The following TARS2 variants were observed in gnomAD, a reference collection of about 807,000 sequenced individuals.
TARS2 encodes the protein threonyl-tRNA synthetase 2, mitochondrial.
A neutral mutation model predicts 94.4 loss-of-function variants in TARS2; 61 were observed. That is an observed-to-expected ratio of 0.65 (90% CI 0.53 to 0.80). The LOEUF is 0.80. Ranked by LOEUF, TARS2 falls within the 30% of genes least tolerant of loss-of-function variation. The pLI is 0.00. For missense variants in TARS2, 704 were observed against 902.5 expected (o/e 0.78, Z 2.82); for synonymous variants, 359 against 353.4 (o/e 1.02, Z -0.18).
At chr1:150,489,858 C>G (rs1186532617) in intron 3 of TARS2, among the ~76,000 whole-genome samples, 1 of 152,088 alleles carries the variant, frequency 6.6e-6, no homozygotes. Flanking sequence ...AGGAGAATTG[C>G]TTGAACCCTG....
In TARS2 at chr1:150,497,706, A is replaced by G. The variant is rs115388015; in HGVS notation, c.1197A>G (p.Thr399=). The G allele has an allele frequency of 2.6e-3, 4,207 of 1,614,142 alleles. 99 individuals are homozygous for G. In the African/African-American group the frequency reaches 0.049, roughly 19 times the overall value. ...GTGACGATTCTACCAGGCATATCAC[A>G]GATACACTCGCCCTCAAGCCTATGA... ...SQSDDSTRHI[T]DTLALKPMNC... Residue 399 remains threonine (T), a synonymous_variant, in exon 10 of 18, where the codon ACA becomes ACG. Transcript: ENST00000369064.
Position 150,488,301 on chromosome 1 carries a change from C to T in TARS2, c.263+247C>T. The T allele has an allele frequency of 9.6e-6, 4 of 417,182 alleles. No individual in the cohort carries two copies. The South Asian group carries it at 1.3e-4, about 14-fold the overall frequency. The allele number at this position is 417,182 out of a possible 1,614,324, so 25.8% of individuals were successfully genotyped here. On this transcript the variant is annotated intron_variant, in intron 2 of 17. Coordinates refer to ENST00000369064, the MANE Select transcript of TARS2 (RefSeq NM_025150.5). The stretch of plus-strand genomic sequence containing the variant: ...CCTTCCATCTCAGCCTCCCGAAGTG[C>T]TGGGATTACAGGCATGAGCCACCAA...
At chr1:150,504,510 C>G in intron 14 of TARS2, 75 bp downstream of exon 14, 1 of 1,582,684 alleles carries the variant, frequency 6.3e-7, no homozygotes, top group Non-Finnish European at 8.7e-7. Context: ...GCCCTAAAAA[C>G]TAAACCCTCC....
At chr1:150,493,284 A>G in intron 7 of TARS2, among the ~76,000 whole-genome samples, 1 of 152,240 alleles carries the variant, frequency 6.6e-6, no homozygotes, top group East Asian at 1.9e-4. Flanking sequence ...AAGCCAATTC[A>G]GATGCCCTAA....
In TARS2 at chr1:150,498,990, T is replaced by C. The variant is rs778784029; in HGVS notation, c.1495T>C (p.Ser499Pro). The change falls in exon 12 of 18, where the codon TCT becomes CCT. Residue 499 changes from serine (S) to proline (P), a missense_variant. Around this residue, in one of 3 missense-constraint regions of TARS2, gnomAD observed 466 missense variants for 609.5 expected, o/e 0.76. Coordinates refer to ENST00000369064, the MANE Select transcript of TARS2 (RefSeq NM_025150.5). ...CCGCCTGGCACTGTCCACCCGGCCA[T>C]CTGGCTTCCTGGGGGACCCTTGCCT... Reference protein sequence around the residue: ...SFRLALSTRPSGFLGDPCLWD... With the variant: ...SFRLALSTRPPGFLGDPCLWD... The C allele has an allele frequency of 1.2e-6, 2 of 1,613,994 alleles. No homozygotes were observed. Among genetic ancestry groups the C allele is most frequent in the African/African-American group, 2.7e-5 (2 of 74,886 alleles).
In TARS2 at chr1:150,491,432, T is replaced by C; in HGVS notation, c.551T>C (p.Ile184Thr). 1 of 1,613,642 alleles carries C rather than the reference T, an allele frequency of 6.2e-7. No homozygotes were observed. The highest frequency in any genetic ancestry group is 8.5e-7 in the Non-Finnish European group (1 of 1,180,032). The stretch of plus-strand genomic sequence containing the variant: ...TCAGAGCTGCCTGTTTTGGAGCGGA[T>C]TTGCCAGGAACTTACAGCTGCTGCT... ...RGSELPVLER[I>T]CQELTAAARP... The change falls in exon 5 of 18, where the codon ATT becomes ACT. Residue 184 changes from isoleucine (I) to threonine (T), a missense_variant. By Grantham distance (89) the Ile-to-Thr change is moderately conservative. This residue lies in a region of TARS2 where 208 missense variants were observed against 228.5 expected (regional missense o/e 0.91). Coordinates refer to ENST00000369064, the MANE Select transcript of TARS2 (RefSeq NM_025150.5).
rs587659734 is a variant in TARS2 at position 150,498,718 on chromosome 1, T to C, written c.1401+54T>C. The C allele has an allele frequency of 1.1e-5, 18 of 1,611,988 alleles. No homozygotes were observed. In the Admixed American group the frequency reaches 2.9e-4, roughly 26 times the overall value. On this transcript the variant is annotated intron_variant, in intron 11 of 17. Coordinates refer to ENST00000369064, the MANE Select transcript of TARS2 (RefSeq NM_025150.5). The stretch of plus-strand genomic sequence containing the variant: ...TTTCTAAACCACCTTTCTTTCTCCC[T>C]ATGAACCTGCAAACCCCTGATCTTT...
intron 2 of TARS2, chr1:150,488,281 C>CA (rs1193149606): frequency 1.3e-4 from 62 of 471,970 alleles, no homozygotes; most frequent in South Asian, 1.1e-3. Flanking sequence ...GCGATCCTTC[C>CA]ATCTCAGCCT....
intron 15 of TARS2, 65 bp from the exon 16 acceptor site, chr1:150,504,841 T>G: frequency 6.2e-7 from 1 of 1,608,600 alleles, no homozygotes; most frequent in Non-Finnish European, 8.5e-7. Flanking sequence ...GTCTGCTCCA[T>G]ACAAGCACAC....
At chr1:150,494,904 G>A (rs1234686293) in intron 7 of TARS2, among the ~76,000 whole-genome samples, 3 of 152,104 alleles carry the variant, frequency 2.0e-5, no homozygotes, top group African/African-American at 4.8e-5. Flanking sequence ...AGGTGTGGCC[G>A]GGCGCAGTGG....
In TARS2 at chr1:150,487,482, G is replaced by A; in HGVS notation, c.32G>A (p.Arg11Gln). The stretch of plus-strand genomic sequence containing the variant: ...CTGTATCAGAGGTGGCGGTGTCTCC[G>A]GCTCCAAGGTTTACAGGCTTGCAGG... MALYQRWRCLRLQGLQACRLH... is the reference protein window; with the variant it reads MALYQRWRCLQLQGLQACRLH... The change falls in exon 1 of 18, where the codon CGG (arginine) becomes CAG (glutamine). Residue 11 changes from arginine to glutamine, a missense_variant. Physicochemically the swap from Arg to Gln is conservative, Grantham distance 43. Around this residue, in one of 3 missense-constraint regions of TARS2, gnomAD observed 208 missense variants for 228.5 expected, o/e 0.91. Coordinates refer to ENST00000369064, the MANE Select transcript of TARS2 (RefSeq NM_025150.5). The A allele has an allele frequency of 6.2e-7, 1 of 1,614,210 alleles. No homozygotes were observed. Among genetic ancestry groups the A allele is most frequent in the Non-Finnish European group, 8.5e-7 (1 of 1,180,034 alleles).
At chr1:150,504,277 T>C (rs897432857) in intron 13 of TARS2, 58 bp from the exon 14 acceptor site, 1 of 1,545,688 alleles carries the variant, frequency 6.5e-7, no homozygotes, top group African/African-American at 1.4e-5. Flanking sequence ...TAATGGAGGA[T>C]AGTGGTTCTG....
rs145238596 is a variant in TARS2 at position 150,506,362 on chromosome 1, G to T, written c.2009-554G>T. Among the ~76,000 whole-genome samples, 50 of 152,162 alleles carry T rather than the reference G, an allele frequency of 3.3e-4. No individual in the cohort carries two copies. In the East Asian group the frequency reaches 9.5e-3, roughly 29 times the overall value. On this transcript the variant is annotated intron_variant, in intron 17 of 17. Transcript: ENST00000369064. ...GCCCTAACAGACACCAAGAGCCAGA[G>T]TGGGACTGATGAGAGGAAACTGTTC...
chr1:150,504,815 C>G, intron 15 of TARS2, 82 bp downstream of exon 15: 1 of 1,605,266 alleles, frequency 6.2e-7, no homozygotes, highest in Non-Finnish European at 8.5e-7. Context: ...CATATGCCAG[C>G]CTCTTTCCTT....
chr1:150,494,599 C>T (rs587733790), intron 7 of TARS2, among the ~76,000 whole-genome samples: 18 of 151,650 alleles, frequency 1.2e-4, no homozygotes, highest in Admixed American at 8.5e-4. Flanking sequence ...ATTAGCTGGG[C>T]GTGGTGGCAT....
At chr1:150,499,355 T>C in intron 13 of TARS2, 62 bp downstream of exon 13, 1 of 1,518,782 alleles carries the variant, frequency 6.6e-7, no homozygotes, top group Non-Finnish European at 9.0e-7. Flanking sequence ...TTAGTAAATA[T>C]TTAATAGATA....
At chr1:150,506,815 C>A in intron 17 of TARS2, 101 bp from the exon 18 acceptor site, 2 of 1,499,808 alleles carry the variant, frequency 1.3e-6, no homozygotes, top group Non-Finnish European at 1.8e-6. Flanking sequence ...CTGCTCCCAC[C>A]CTTCCTAAAG....
Position 150,501,977 on chromosome 1 carries a change from A to G in TARS2, c.1618-2358A>G, listed in dbSNP as rs193147066. 2.0e-3 allele frequency among the ~76,000 whole-genome samples: 305 copies of G among 151,920 alleles called. 3 individuals carry two copies. Among genetic ancestry groups the G allele is most frequent in the African/African-American group, 6.7e-3 (278 of 41,306 alleles). ...GCCCAGGTTGGAGTGCAGTGGCGCAATCTCGGCTCACTGCAACCTCTGCCT... is the reference window on the plus strand; with the variant it reads ...GCCCAGGTTGGAGTGCAGTGGCGCAGTCTCGGCTCACTGCAACCTCTGCCT... On this transcript the variant is annotated intron_variant, in intron 13 of 17. Transcript: ENST00000369064.
rs754461713 is a variant in TARS2 at position 150,497,518 on chromosome 1, C to G, written c.1021-12C>G. ...TTACTCTGACCTTCCATGTCTGTAC[C>G]CTCCTCTCCAGGCTGAGTATGCCCA... On this transcript the variant is annotated splice_polypyrimidine_tract_variant and intron_variant, in intron 9 of 17. Coordinates refer to ENST00000369064, the MANE Select transcript of TARS2 (RefSeq NM_025150.5). The G allele has an allele frequency of 3.7e-6, 6 of 1,612,778 alleles. No individual in the cohort carries two copies. The African/African-American group carries it at 6.7e-5, about 18-fold the overall frequency.
Sources: allele counts gnomAD v4.1 joint callset (sites outside exome capture counted in the v4.1 genomes callset), GRCh38; gene constraint gnomAD v4.1.1; regional missense constraint gnomAD v4.1.1; transcripts MANE v1.5; gene names NCBI Gene and HGNC (gene_info 2026-07-23, HGNC 2026-07-21).